The following GYS2 variants were observed in gnomAD, a reference collection of about 807,000 sequenced individuals.
The protein encoded by GYS2 is glycogen [starch] synthase, liver.
A neutral mutation model predicts 85.6 loss-of-function variants in GYS2; 80 were observed. The observed-to-expected ratio is 0.93, with a 90% CI of 0.78 to 1.13. The LOEUF (loss-of-function observed/expected upper bound fraction) is 1.13. GYS2 is among the 50% of genes most tolerant of loss of function. The pLI is 0.00. For synonymous variants in GYS2, 328 were observed against 300.7 expected (o/e 1.09, Z -0.94); for missense variants, 881 against 854.9 (o/e 1.03, Z -0.38).
At chr12:21,575,003 A>G (rs569608458) in intron 3 of GYS2, among the ~76,000 whole-genome samples, 2 of 152,296 alleles carry the variant, frequency 1.3e-5, no homozygotes, top group South Asian at 2.1e-4. Flanking sequence ...CTCTAAAAGC[A>G]TACAATGATT....
chr12:21,582,621 AG>A lies in GYS2; in HGVS notation c.122-2099del, dbSNP rs1412823143. 3.3e-5 allele frequency among the ~76,000 whole-genome samples: 5 copies of A among 151,492 alleles called. No homozygotes were observed. The East Asian group carries it at 9.6e-4, about 29-fold the overall frequency. ...TAGATATAGATATAGATATAGATAT[AG>A]ATATAGATATAGATATATATCTCCT... On this transcript the variant is annotated intron_variant, in intron 1 of 15. Transcript: ENST00000261195.
At chr12:21,551,562 C>T (rs1298372069) in intron 11 of GYS2, among the ~76,000 whole-genome samples, 1 of 151,298 alleles carries the variant, frequency 6.6e-6, no homozygotes, top group African/African-American at 2.4e-5. Context: ...AGAGATTTAC[C>T]CCTTGGATCC....
intron 1 of GYS2, among the ~76,000 whole-genome samples, chr12:21,600,376 C>A (rs1044486395): frequency 6.6e-6 from 1 of 152,132 alleles, no homozygotes; most frequent in African/African-American, 2.4e-5. Context: ...AATTCTCCCA[C>A]CTCAGCCTTG....
At chr12:21,552,329 G>A (rs1281573036) in intron 11 of GYS2, among the ~76,000 whole-genome samples, 1 of 152,322 alleles carries the variant, frequency 6.6e-6, no homozygotes, top group East Asian at 1.9e-4. Context: ...ACACTACGTA[G>A]CTAAGGCAAA....
chr12:21,604,091 C>T (rs902761623), intron 1 of GYS2, among the ~76,000 whole-genome samples: 1 of 152,076 alleles, frequency 6.6e-6, no homozygotes, highest in Admixed American at 6.6e-5. Flanking sequence ...CCAACTGGTT[C>T]TAATCACATA....
In GYS2 at chr12:21,604,583, C is replaced by G; in HGVS notation, c.10G>C (p.Gly4Arg). 1.2e-6 allele frequency: 2 copies of G among 1,612,610 alleles called. No homozygotes were observed. Among genetic ancestry groups the G allele is most frequent in the Non-Finnish European group, 1.7e-6 (2 of 1,178,890 alleles). MLRGRSLSVTSLGG... is the reference protein window; with the variant it reads MLRRRSLSVTSLGG... ...AGGGATGTTACAGAGAGGGATCGGCCTCGAAGCATTCTTCTTACAGTCCTC... is the reference window on the plus strand; with the variant it reads ...AGGGATGTTACAGAGAGGGATCGGCGTCGAAGCATTCTTCTTACAGTCCTC... Residue 4 changes from glycine to arginine, a missense_variant, in exon 1 of 16, where the codon GGC becomes CGC. By Grantham distance (125) the Gly-to-Arg change is moderately radical (BLOSUM62 -2). Coordinates refer to ENST00000261195, the MANE Select transcript of GYS2 (RefSeq NM_021957.4).
intron 4 of GYS2, among the ~76,000 whole-genome samples, chr12:21,570,492 G>T (rs924600006): frequency 6.6e-6 from 1 of 152,240 alleles, no homozygotes; most frequent in East Asian, 1.9e-4. Flanking sequence ...CTCTACAAAT[G>T]TAAGACTTTC....
At chr12:21,569,141 A>T (rs1308252158) in intron 4 of GYS2, 132 bp from the exon 5 acceptor site, 1 of 828,676 alleles carries the variant, frequency 1.2e-6, no homozygotes, top group East Asian at 2.6e-5. Context: ...AAAAGTAATA[A>T]AAACTTGAAT....
downstream of GYS2, chr12:21,534,930 A>G (rs762737362): frequency 6.6e-6 from 1 of 152,376 alleles, no homozygotes; most frequent in African/African-American, 2.4e-5. Flanking sequence ...AAGGCACTGT[A>G]CTAGACACAG....
chr12:21,569,639 A>G (rs943400675), intron 4 of GYS2, among the ~76,000 whole-genome samples: 1 of 152,252 alleles, frequency 6.6e-6, no homozygotes, highest in Non-Finnish European at 1.5e-5. Context: ...AACTGGCAAC[A>G]GTGTGGGCTT....
chr12:21,575,891 G>A lies in GYS2; in HGVS notation c.470C>T (p.Ser157Phe), dbSNP rs774019135. Residue 157 changes from serine to phenylalanine, a missense_variant, in exon 3 of 16, where the codon TCT becomes TTT. Coordinates refer to ENST00000261195, the MANE Select transcript of GYS2 (RefSeq NM_021957.4). ...REANDMLIFG[S>F]LTAWFLKEVT... Reference sequence around the variant, plus strand: ...CTCTTTTAAGAACCAGGCAGTTAAAGATCCAAATATCAGCATATCATTGGC... The same window carrying A: ...CTCTTTTAAGAACCAGGCAGTTAAAAATCCAAATATCAGCATATCATTGGC... The A allele has an allele frequency of 8.1e-6, 13 of 1,613,406 alleles. No individual in the cohort carries two copies. In the Admixed American group the frequency reaches 1.8e-4, roughly 23 times the overall value.
chr12:21,537,264 A>T (rs899517644), intron 15 of GYS2, 89 bp from the exon 16 acceptor site: 8 of 889,378 alleles, frequency 9.0e-6, no homozygotes, highest in Middle Eastern at 2.2e-4. Context: ...TCAATTTTTT[A>T]AGTAGTTATC....
At chr12:21,543,544 A>G (rs577794818) in intron 12 of GYS2, among the ~76,000 whole-genome samples, 16 of 151,978 alleles carry the variant, frequency 1.1e-4, no homozygotes, top group Admixed American at 5.9e-4. Flanking sequence ...TCCACCTTCT[A>G]TGGGAGTTGG....
downstream of GYS2, among the ~76,000 whole-genome samples, chr12:21,534,576 AAAGGAAAG>A (rs1029425724): frequency 1.6e-4 from 25 of 152,066 alleles, no homozygotes; most frequent in African/African-American, 6.0e-4. Context: ...AAGAAAAGAA[AAAGGAAAG>A]AAGGAAAGAA....
At chr12:21,545,400 C>T (rs1038952599) in intron 12 of GYS2, among the ~76,000 whole-genome samples, 21 of 152,208 alleles carry the variant, frequency 1.4e-4, no homozygotes, top group African/African-American at 4.8e-4. Context: ...CAAGATCATG[C>T]CACTGCACTC....
intron 4 of GYS2, among the ~76,000 whole-genome samples, chr12:21,570,545 T>G (rs1944373590): frequency 6.6e-6 from 1 of 152,224 alleles, no homozygotes; most frequent in African/African-American, 2.4e-5. Flanking sequence ...ATCTCCAAAT[T>G]GGTTGGATGA....
In GYS2 at chr12:21,575,900, A is replaced by G; in HGVS notation, c.461T>C (p.Ile154Thr). Residue 154 changes from isoleucine (I) to threonine (T), a missense_variant, in exon 3 of 16, where the codon ATA becomes ACA. By Grantham distance (89) the Ile-to-Thr change is moderately conservative. Transcript: ENST00000261195. ...YHDREANDMLIFGSLTAWFLK... is the reference protein window; with the variant it reads ...YHDREANDMLTFGSLTAWFLK... ...GAACCAGGCAGTTAAAGATCCAAATATCAGCATATCATTGGCTTCTCGGTC... is the reference window on the plus strand; with the variant it reads ...GAACCAGGCAGTTAAAGATCCAAATGTCAGCATATCATTGGCTTCTCGGTC... The G allele has an allele frequency of 6.2e-7, 1 of 1,613,888 alleles. No individual in the cohort carries two copies. The highest frequency in any genetic ancestry group is 8.5e-7 in the Non-Finnish European group (1 of 1,179,804).
chr12:21,534,462 A>G (rs959430996), downstream of GYS2, among the ~76,000 whole-genome samples: 1 of 152,260 alleles, frequency 6.6e-6, no homozygotes, highest in Middle Eastern at 3.4e-3. Flanking sequence ...GGTTGCAGTG[A>G]GCCAAGATGA....
intron 1 of GYS2, among the ~76,000 whole-genome samples, chr12:21,586,698 C>A (rs1354064469): frequency 1.3e-5 from 2 of 151,996 alleles, no homozygotes; most frequent in African/African-American, 4.8e-5. Flanking sequence ...GATGTGGAGA[C>A]AAGAAAATGC....
Sources: gnomAD v4.1 joint callset for allele counts (sites outside exome capture counted in the v4.1 genomes callset) on GRCh38, gnomAD v4.1.1 for gene constraint, MANE v1.5 for transcripts, NCBI Gene and HGNC (gene_info 2026-07-23, HGNC 2026-07-21) for gene names.